The following ELP2 variants were observed in gnomAD, a reference collection of about 807,000 sequenced individuals.
ELP2 encodes elongator acetyltransferase complex subunit 2.
ELP2 carries 90 observed loss-of-function variants against 119.2 expected under a neutral mutation model. That is an observed-to-expected ratio of 0.75 (90% confidence interval 0.64 to 0.90). ELP2 has a LOEUF of 0.90. ELP2 is among the 40% of genes least tolerant of loss of function. The pLI is 0.00. For missense variants in ELP2, 921 were observed against 967.8 expected, an observed-to-expected ratio of 0.95 and a Z score of 0.64; for synonymous variants, 339 against 331.0, an observed-to-expected ratio of 1.02 and a Z score of -0.26.
intron 17 of ELP2, among the ~76,000 whole-genome samples, chr18:36,162,151 C>T (rs2090761012): frequency 6.6e-6 from 1 of 152,124 alleles, no homozygotes; most frequent in Non-Finnish European, 1.5e-5. Flanking sequence ...AATCAAGATA[C>T]TGTGTATATC....
intron 12 of ELP2, among the ~76,000 whole-genome samples, chr18:36,155,282 C>T (rs1249754472): frequency 1.4e-5 from 2 of 142,310 alleles, no homozygotes; most frequent in African/African-American, 5.2e-5. Flanking sequence ...CCCCGCCTCC[C>T]AAAGTGCTGG....
chr18:36,136,408 A>T (rs1340048718), intron 3 of ELP2, 31 bp downstream of exon 3: 2 of 1,539,472 alleles, frequency 1.3e-6, no homozygotes, highest in Non-Finnish European at 1.8e-6. Context: ...TCAAGAAATG[A>T]CTTTTTTTGT....
chr18:36,178,095 G>A lies in ELP2; in HGVS notation c.*3454G>A, dbSNP rs1445121899. The A allele has an allele frequency of 1.3e-5, 2 of 152,188 alleles. No individual in the cohort carries two copies. Among genetic ancestry groups the A allele is most frequent in the Non-Finnish European group, 2.9e-5 (2 of 68,046 alleles). The allele number at this position is 152,188 out of a possible 1,614,324, so 9.4% of individuals were successfully genotyped here. Reference sequence around the variant, plus strand: ...AACAGCCCTGATGTCCATGTAACAAGCTGCCCTCCCCAACTCCCTCCTTCC... The same window carrying A: ...AACAGCCCTGATGTCCATGTAACAAACTGCCCTCCCCAACTCCCTCCTTCC... On this transcript the variant is annotated 3_prime_UTR_variant, in exon 22 of 22. Transcript: ENST00000358232.
chr18:36,145,005 C>T lies in ELP2; in HGVS notation c.863C>T (p.Ala288Val), dbSNP rs1163678409. ...VLAGHENWVN[A>V]VHWQPVFYKD... ...GCCGGTCATGAAAACTGGGTAAATG[C>T]AGTTCACTGGCAACCTGTGTTTTAC... Residue 288 changes from alanine (A) to valine (V), a missense_variant, in exon 9 of 22, where the codon GCA (alanine) becomes GTA (valine). Physicochemically the swap from Ala to Val is moderately conservative, Grantham distance 64 (BLOSUM62 0). Transcript: ENST00000358232. The T allele has an allele frequency of 6.2e-7, 1 of 1,613,862 alleles. No homozygotes were observed.
chr18:36,155,076 G>C (rs1598795086), intron 12 of ELP2, 77 bp downstream of exon 12: 4 of 1,281,172 alleles, frequency 3.1e-6, no homozygotes, highest in East Asian at 4.9e-5. Context: ...GCAATGGCAC[G>C]ATCTCAGCTC....
chr18:36,168,067 A>G (rs145323018), intron 19 of ELP2, among the ~76,000 whole-genome samples: 30 of 152,268 alleles, frequency 2.0e-4, no homozygotes, highest in African/African-American at 6.5e-4. Context: ...CATACTCTTT[A>G]AAATATCCTT....
intron 19 of ELP2, among the ~76,000 whole-genome samples, chr18:36,168,516 T>A (rs779713143): frequency 6.6e-6 from 1 of 152,136 alleles, no homozygotes; most frequent in Non-Finnish European, 1.5e-5. Context: ...CTTCACGTGG[T>A]GGCAGGAGAA....
At chr18:36,171,601 G>C (rs998693801) in intron 21 of ELP2, among the ~76,000 whole-genome samples, 16 of 152,184 alleles carry the variant, frequency 1.1e-4, no homozygotes, top group African/African-American at 3.6e-4. Context: ...CATGCCCTGG[G>C]CCTCATGCAT....
At chr18:36,136,622 T>A (rs1406998560) in intron 3 of ELP2, 1 of 457,640 alleles carries the variant, frequency 2.2e-6, no homozygotes, top group African/African-American at 2.0e-5. Context: ...GAAATGACTT[T>A]TATATATACT....
chr18:36,163,647 G>A (rs589213), intron 17 of ELP2, among the ~76,000 whole-genome samples: 54,743 of 151,788 alleles, frequency 0.36, 9,968 homozygotes, highest in Middle Eastern at 0.44. Context: ...TGGAGTATAG[G>A]TTAAAACTGA....
At chr18:36,162,028 T>C (rs984838867) in intron 17 of ELP2, among the ~76,000 whole-genome samples, 4 of 151,938 alleles carry the variant, frequency 2.6e-5, no homozygotes, top group African/African-American at 9.7e-5. Flanking sequence ...GTGTATCCTC[T>C]AAACATTTTT....
At chr18:36,164,989 C>A in intron 18 of ELP2, 1 of 307,244 alleles carries the variant, frequency 3.3e-6, no homozygotes, top group South Asian at 3.5e-5. Flanking sequence ...TACCACAAAG[C>A]CTAATGGATA....
chr18:36,170,312 T>A, intron 20 of ELP2, 116 bp downstream of exon 20: 3 of 319,644 alleles, frequency 9.4e-6, no homozygotes, highest in Non-Finnish European at 1.5e-5. Context: ...CTTTTTTTTC[T>A]TTTTTTTTTT....
chr18:36,159,603 A>G (rs1450386179), intron 14 of ELP2, 132 bp from the exon 15 acceptor site: 1 of 738,356 alleles, frequency 1.4e-6, no homozygotes, highest in South Asian at 1.5e-5. Flanking sequence ...TGCCTTTGGA[A>G]TCACATGGAC....
chr18:36,160,184 C>T (rs758186742), intron 16 of ELP2, among the ~76,000 whole-genome samples, 169 bp downstream of exon 16: 1 of 151,882 alleles, frequency 6.6e-6, no homozygotes, highest in Non-Finnish European at 1.5e-5. Context: ...TAAACCTTAA[C>T]GTTTATTTTT....
intron 1 of ELP2, among the ~76,000 whole-genome samples, chr18:36,132,252 T>C (rs1408286100): frequency 2.0e-5 from 3 of 152,220 alleles, no homozygotes; most frequent in African/African-American, 7.2e-5. Flanking sequence ...GTTTTGGGAA[T>C]GATGCTCATT....
At chr18:36,143,007 T>G in intron 8 of ELP2, 41 bp downstream of exon 8, 1 of 1,465,196 alleles carries the variant, frequency 6.8e-7, no homozygotes, top group Non-Finnish European at 9.4e-7. Flanking sequence ...GATACTTAGG[T>G]CTCCTAGTTG....
At chr18:36,151,222 C>T (rs1285058196) in intron 11 of ELP2, among the ~76,000 whole-genome samples, 1 of 151,920 alleles carries the variant, frequency 6.6e-6, no homozygotes, top group Admixed American at 6.6e-5. Context: ...GTAGCTGAGA[C>T]TACAGGCAGG....
intron 11 of ELP2, among the ~76,000 whole-genome samples, chr18:36,149,484 T>TTTTC (rs2090323055): frequency 3.1e-5 from 1 of 32,460 alleles, no homozygotes; most frequent in East Asian, 4.5e-4. Flanking sequence ...TTTTGTTTTG[T>TTTTC]TTTGTTTTTT....
Sources: gnomAD v4.1 joint callset for allele counts (sites outside exome capture counted in the v4.1 genomes callset) on GRCh38, gnomAD v4.1.1 for gene constraint, MANE v1.5 for transcripts, NCBI Gene and HGNC (gene_info 2026-07-23, HGNC 2026-07-21) for gene names.